The following MIR2052HG variants were observed in gnomAD, a reference collection of about 807,000 sequenced individuals.
MIR2052HG encodes the protein MIR2052 host gene.
intron 4 of MIR2052HG, among the ~76,000 whole-genome samples, chr8:74,713,081 T>A (rs1298651721): frequency 1.3e-5 from 2 of 152,072 alleles, no homozygotes; most frequent in African/African-American, 4.8e-5. Flanking sequence ...CATGTTGAGG[T>A]TAGATGTTAG....
At chr8:74,600,524 G>A (rs111798520) in intron 1 of MIR2052HG, among the ~76,000 whole-genome samples, 2,111 of 150,416 alleles carry the variant, frequency 0.014, 23 homozygotes, top group Middle Eastern at 0.034. Flanking sequence ...GGAGGTTGTG[G>A]TGAGCTGCAT....
intron 1 of MIR2052HG, among the ~76,000 whole-genome samples, chr8:74,602,822 T>TTTCTTTCTTTCTTTCTTTCC (rs1563508414): frequency 8.5e-6 from 1 of 118,322 alleles, no homozygotes; most frequent in Non-Finnish European, 1.7e-5. Context: ...GCCGTGTTTC[T>TTTCTTTCTTTCTTTCTTTCC]TTCTTTCTTT....
chr8:74,714,468 A>G (rs1809500531), intron 4 of MIR2052HG, among the ~76,000 whole-genome samples: 1 of 152,206 alleles, frequency 6.6e-6, no homozygotes, highest in South Asian at 2.1e-4. Flanking sequence ...AGATTTAGTC[A>G]GTGTATCCAA....
At chr8:74,639,371 A>G (rs1198000795) in intron 2 of MIR2052HG, among the ~76,000 whole-genome samples, 1 of 152,172 alleles carries the variant, frequency 6.6e-6, no homozygotes. Context: ...ACCTTATATG[A>G]TCTTTGTAAC....
chr8:74,612,764 G>T, intron 1 of MIR2052HG: 1 of 389,164 alleles, frequency 2.6e-6, no homozygotes. Flanking sequence ...ATACATTTTA[G>T]TTATTTTTCT....
intron 2 of MIR2052HG, among the ~76,000 whole-genome samples, chr8:74,616,477 AT>A (rs1265464132): frequency 6.6e-6 from 1 of 151,000 alleles, no homozygotes; most frequent in African/African-American, 2.4e-5. Flanking sequence ...TGTCTGTTAA[AT>A]TTTATGCTTA....
At chr8:74,665,674 T>G (rs1808915148) in intron 2 of MIR2052HG, among the ~76,000 whole-genome samples, 1 of 152,118 alleles carries the variant, frequency 6.6e-6, no homozygotes, top group Non-Finnish European at 1.5e-5. Flanking sequence ...ATTTTTTTCT[T>G]CTCACTTCTA....
At chr8:74,739,876 AT>A (rs370048513) in intron 4 of MIR2052HG, among the ~76,000 whole-genome samples, 1 of 152,244 alleles carries the variant, frequency 6.6e-6, no homozygotes, top group African/African-American at 2.4e-5. Context: ...TTATCTAAAA[AT>A]GTTCAGGGAG....
chr8:74,633,963 C>G (rs932728556), intron 2 of MIR2052HG, among the ~76,000 whole-genome samples: 3 of 152,120 alleles, frequency 2.0e-5, no homozygotes, highest in African/African-American at 7.2e-5. Flanking sequence ...TTAGATGTAC[C>G]GAGCCTCTTT....
At chr8:74,703,768 C>T (rs1482132443) in intron 4 of MIR2052HG, 2 of 383,386 alleles carry the variant, frequency 5.2e-6, no homozygotes, top group Non-Finnish European at 1.0e-5. Context: ...TTTCATACCA[C>T]CATGAGTCTA....
At chr8:74,710,766 A>G (rs974178318) in intron 4 of MIR2052HG, among the ~76,000 whole-genome samples, 10 of 152,140 alleles carry the variant, frequency 6.6e-5, no homozygotes, top group African/African-American at 2.4e-4. Flanking sequence ...CATATCTGTA[A>G]TCAGTGCTTT....
intron 2 of MIR2052HG, among the ~76,000 whole-genome samples, chr8:74,682,935 C>T (rs1186022432): frequency 1.3e-5 from 2 of 151,986 alleles, no homozygotes; most frequent in Non-Finnish European, 2.9e-5. Context: ...AATGAATGAA[C>T]CACAAACACA....
chr8:74,641,533 T>A (rs1259423391), intron 2 of MIR2052HG, among the ~76,000 whole-genome samples: 1 of 152,188 alleles, frequency 6.6e-6, no homozygotes, highest in Non-Finnish European at 1.5e-5. Context: ...TGCATTCATA[T>A]ATTTGCTTTT....
intron 4 of MIR2052HG, among the ~76,000 whole-genome samples, chr8:74,718,249 AT>A (rs568384393): frequency 2.5e-3 from 378 of 152,052 alleles, no homozygotes; most frequent in Admixed American, 5.5e-3. Flanking sequence ...AAGGAAACAT[AT>A]TAGTAAGGAC....
At chr8:74,610,388 G>A (rs551958159) in intron 1 of MIR2052HG, among the ~76,000 whole-genome samples, 2 of 151,800 alleles carry the variant, frequency 1.3e-5, no homozygotes, top group East Asian at 3.9e-4. Flanking sequence ...TTATGAAAAG[G>A]AGAGTTATGT....
intron 5 of MIR2052HG, among the ~76,000 whole-genome samples, chr8:74,753,339 T>G (rs529380674): frequency 6.6e-6 from 1 of 152,322 alleles, no homozygotes; most frequent in South Asian, 2.1e-4. Flanking sequence ...AATTAGATTT[T>G]TATTTTTACT....
chr8:74,757,644 G>A (rs771797030), intron 5 of MIR2052HG: 14 of 152,204 alleles, frequency 9.2e-5, no homozygotes, highest in Non-Finnish European at 1.8e-4. Flanking sequence ...ATGATGAGTA[G>A]TCTCAAAATT....
intron 1 of MIR2052HG, among the ~76,000 whole-genome samples, chr8:74,605,897 A>G (rs1808103436): frequency 1.3e-5 from 2 of 152,242 alleles, no homozygotes. Context: ...TTAGCGAGTT[A>G]GAGAAAATGC....
chr8:74,616,673 G>T (rs185770167), intron 2 of MIR2052HG, among the ~76,000 whole-genome samples: 1 of 152,058 alleles, frequency 6.6e-6, no homozygotes, highest in Non-Finnish European at 1.5e-5. Flanking sequence ...AGATTTCATT[G>T]TAAATGAAGG....
Sources: allele counts gnomAD v4.1 joint callset (sites outside exome capture counted in the v4.1 genomes callset), GRCh38; gene constraint gnomAD v4.1.1; transcripts MANE v1.5; gene names NCBI Gene and HGNC (gene_info 2026-07-23, HGNC 2026-07-21).